MYO3B: variants seen among roughly 807,000 people sequenced by gnomAD.
The protein encoded by MYO3B is myosin IIIB, also known as myosin-IIIb.
MYO3B carries 156 observed loss-of-function variants against 174.6 expected under a neutral mutation model. That is an observed-to-expected ratio of 0.89 (90% confidence interval 0.78 to 1.02). The LOEUF (loss-of-function observed/expected upper bound fraction) is 1.02, where lower values mean the gene tolerates loss of function less well. Ranked by LOEUF, MYO3B falls within the 50% of genes least tolerant of loss-of-function variation. The pLI, the probability that MYO3B is intolerant of heterozygous loss-of-function variation, is 0.00. For missense variants in MYO3B, 1,632 were observed against 1,639.4 expected, an observed-to-expected ratio of 1.00 and a Z score of 0.08; for synonymous variants, 563 against 569.1, an observed-to-expected ratio of 0.99 and a Z score of 0.15.
intron 8 of MYO3B, among the ~76,000 whole-genome samples, chr2:170,367,927 C>T (rs959101526): frequency 2.0e-5 from 3 of 152,148 alleles, no homozygotes; most frequent in South Asian, 2.1e-4. Context: ...GTTCCGTTGG[C>T]TTTTCTGGCT....
intron 9 of MYO3B, among the ~76,000 whole-genome samples, chr2:170,379,488 C>T (rs910718765): frequency 3.2e-4 from 48 of 152,148 alleles, no homozygotes; most frequent in African/African-American, 1.1e-3. Context: ...CCACTGTACC[C>T]AGCCAGTATT....
At chr2:170,337,008 C>T (rs138530359) in intron 8 of MYO3B, among the ~76,000 whole-genome samples, 4 of 151,292 alleles carry the variant, frequency 2.6e-5, no homozygotes, top group Admixed American at 6.6e-5. Flanking sequence ...TATCTCGTTG[C>T]CCCTTTAGCC....
chr2:170,356,683 A>C (rs2094123991), intron 8 of MYO3B, among the ~76,000 whole-genome samples: 1 of 152,040 alleles, frequency 6.6e-6, no homozygotes, highest in Non-Finnish European at 1.5e-5. Flanking sequence ...TTTCTATGAA[A>C]ACCCTGGAAA....
At chr2:170,517,473 G>C (rs1688393329) in intron 29 of MYO3B, among the ~76,000 whole-genome samples, 1 of 151,834 alleles carries the variant, frequency 6.6e-6, no homozygotes, top group Non-Finnish European at 1.5e-5. Context: ...AGATCTCTTT[G>C]TGCTATTTTC....
intron 28 of MYO3B, among the ~76,000 whole-genome samples, chr2:170,512,269 C>A (rs73025086): frequency 0.096 from 14,660 of 152,092 alleles, 1,733 homozygotes; most frequent in African/African-American, 0.27. Flanking sequence ...CCTTAAGAAT[C>A]CAACTTTCTT....
intron 8 of MYO3B, among the ~76,000 whole-genome samples, chr2:170,361,690 C>G (rs191101423): frequency 6.6e-6 from 1 of 152,336 alleles, no homozygotes; most frequent in Non-Finnish European, 1.5e-5. Context: ...CCATCTTGAC[C>G]TGCTACTTGG....
chr2:170,526,337 G>A (rs1354231631), intron 30 of MYO3B, among the ~76,000 whole-genome samples: 2 of 152,318 alleles, frequency 1.3e-5, no homozygotes, highest in East Asian at 1.9e-4. Context: ...GATAGAAGTA[G>A]CAGCAATAAT....
At chr2:170,637,190 T>A (rs868588514) in intron 32 of MYO3B, among the ~76,000 whole-genome samples, 2 of 115,730 alleles carry the variant, frequency 1.7e-5, no homozygotes, top group Middle Eastern at 4.7e-3. Context: ...TTTTTTTTTT[T>A]AGATGGAGTA....
intron 28 of MYO3B, among the ~76,000 whole-genome samples, chr2:170,504,961 C>A (rs1310734475): frequency 1.4e-4 from 22 of 152,130 alleles, no homozygotes; most frequent in Non-Finnish European, 7.3e-5. Flanking sequence ...TCTTGCCTGT[C>A]AGTCTTTGAG....
At chr2:170,257,067 T>C (rs1459394013) in intron 7 of MYO3B, among the ~76,000 whole-genome samples, 1 of 152,160 alleles carries the variant, frequency 6.6e-6, no homozygotes, top group African/African-American at 2.4e-5. Context: ...CCTAAATATA[T>C]ATGCACTCAA....
intron 28 of MYO3B, among the ~76,000 whole-genome samples, chr2:170,510,773 A>G (rs150989198): frequency 2.6e-5 from 4 of 151,888 alleles, no homozygotes; most frequent in African/African-American, 9.7e-5. Flanking sequence ...TTTCTGTCCT[A>G]TAGTCTTACC....
intron 1 of MYO3B, among the ~76,000 whole-genome samples, chr2:170,192,239 T>A (rs2092549235): frequency 6.6e-6 from 1 of 151,786 alleles, no homozygotes; most frequent in Admixed American, 6.6e-5. Flanking sequence ...GCTCTTTTTT[T>A]TTATTATTCT....
intron 26 of MYO3B, 67 bp from the exon 27 acceptor site, chr2:170,499,579 T>A: frequency 2.2e-6 from 3 of 1,376,222 alleles, no homozygotes; most frequent in Non-Finnish European, 2.0e-6. Context: ...ATTTAGAATA[T>A]GCTGTAGTAG....
chr2:170,193,113 T>C (rs2092559666), intron 1 of MYO3B, among the ~76,000 whole-genome samples: 1 of 151,968 alleles, frequency 6.6e-6, no homozygotes, highest in Non-Finnish European at 1.5e-5. Context: ...TTTACTATTA[T>C]TGTGTTTTGT....
In MYO3B at chr2:170,602,143, T is replaced by C. The variant is rs117135516; in HGVS notation, c.3734-49485T>C. Reference sequence around the variant, plus strand: ...GTTGACTGAGGCATCTGGGTGCTTCTTCTTACACTCCTCCCGACAAGTTTG... The same window carrying C: ...GTTGACTGAGGCATCTGGGTGCTTCCTCTTACACTCCTCCCGACAAGTTTG... On this transcript the variant is annotated intron_variant, in intron 32 of 34. Coordinates refer to ENST00000408978, the MANE Select transcript of MYO3B (RefSeq NM_138995.5). 5.6e-4 allele frequency: 699 copies of C among 1,248,798 alleles called. 5 individuals are homozygous for C. In the East Asian group the frequency reaches 0.015, roughly 27 times the overall value. 77.4% of individuals were successfully genotyped at this position (1,248,798 alleles called of 1,614,324 possible). A position where few individuals can be genotyped will look rare whatever the true frequency, so the allele number is the denominator to read the frequency against.
chr2:170,331,475 T>TA (rs746909225), intron 7 of MYO3B, among the ~76,000 whole-genome samples: 21 of 151,944 alleles, frequency 1.4e-4, no homozygotes, highest in Non-Finnish European at 2.2e-4. Flanking sequence ...AGGTTATGAG[T>TA]AGGGGATTTA....
At chr2:170,310,601 G>A (rs1453385401) in intron 7 of MYO3B, among the ~76,000 whole-genome samples, 1 of 136,694 alleles carries the variant, frequency 7.3e-6, no homozygotes, top group Non-Finnish European at 1.5e-5. Flanking sequence ...GGAGATGGAG[G>A]TTGGAGTGAG....
chr2:170,468,057 T>C (rs1684756699), intron 25 of MYO3B, among the ~76,000 whole-genome samples: 1 of 152,208 alleles, frequency 6.6e-6, no homozygotes, highest in Admixed American at 6.5e-5. Flanking sequence ...TCTTTGTTCA[T>C]AATCAGAAAG....
In MYO3B at chr2:170,289,450, G is replaced by A. The variant is rs560560500; in HGVS notation, c.750-45935G>A. On this transcript the variant is annotated intron_variant, in intron 7 of 34. Transcript: ENST00000408978. ...ATGGTTCAATTTTGATAGGTTCTAT[G>A]ATTCCGGGAGTTTATCCATTCTTCC... is the stretch of plus-strand genomic sequence containing the variant. Among the ~76,000 whole-genome samples the A allele has an allele frequency of 3.9e-5, 6 of 152,114 alleles. No individual in the cohort carries two copies. The East Asian group carries it at 1.2e-3, about 29-fold the overall frequency.
Sources: gnomAD v4.1 joint callset for allele counts (sites outside exome capture counted in the v4.1 genomes callset) on GRCh38, gnomAD v4.1.1 for gene constraint, MANE v1.5 for transcripts, NCBI Gene and HGNC (gene_info 2026-07-23, HGNC 2026-07-21) for gene names.